CLYBL: variants seen among roughly 807,000 people sequenced by gnomAD.
The protein encoded by CLYBL is citramalyl-CoA lyase.
A neutral mutation model predicts 38.9 loss-of-function variants in CLYBL; 31 were observed. The observed-to-expected ratio is 0.80, with a 90% CI of 0.60 to 1.08. CLYBL has a LOEUF of 1.08. Among genes scored for constraint, CLYBL ranks in the 50% least tolerant of loss-of-function variants. The pLI, the probability that CLYBL is intolerant of heterozygous loss-of-function variation, is 0.00. For missense variants in CLYBL, 434 were observed against 411.6 expected, an observed-to-expected ratio of 1.05 and a Z score of -0.47; for synonymous variants, 171 against 158.6, an observed-to-expected ratio of 1.08 and a Z score of -0.59.
At chr13:99,855,341 T>G (rs767111413) in intron 2 of CLYBL, among the ~76,000 whole-genome samples, 1 of 152,212 alleles carries the variant, frequency 6.6e-6, no homozygotes, top group Non-Finnish European at 1.5e-5. Context: ...AATTTCCTTT[T>G]TCTCCTTCCT....
intron 4 of CLYBL, among the ~76,000 whole-genome samples, chr13:99,864,401 C>A (rs1175577186): frequency 6.6e-6 from 1 of 152,162 alleles, no homozygotes; most frequent in South Asian, 2.1e-4. Flanking sequence ...ATCCTGAGAC[C>A]ATGTGCTTGA....
intron 7 of CLYBL, among the ~76,000 whole-genome samples, chr13:99,880,898 C>T (rs1009324432): frequency 3.3e-5 from 5 of 152,192 alleles, no homozygotes; most frequent in African/African-American, 1.2e-4. Flanking sequence ...AAAATGAATC[C>T]ACTAACTGCC....
At chr13:99,707,228 T>A (rs2048160113) in intron 1 of CLYBL, among the ~76,000 whole-genome samples, 1 of 152,172 alleles carries the variant, frequency 6.6e-6, no homozygotes, top group African/African-American at 2.4e-5. Context: ...GTAGTTGAAT[T>A]TGAGTACTTT....
At chr13:99,870,611 A>G (rs904845338) in intron 6 of CLYBL, among the ~76,000 whole-genome samples, 5 of 152,190 alleles carry the variant, frequency 3.3e-5, no homozygotes. Context: ...TTATCCTTTA[A>G]AGTCCCAGCC....
At chr13:99,792,137 A>C (rs2049930546) in intron 2 of CLYBL, among the ~76,000 whole-genome samples, 1 of 152,168 alleles carries the variant, frequency 6.6e-6, no homozygotes, top group African/African-American at 2.4e-5. Context: ...TAAACAATAG[A>C]TTTTTACTTT....
intron 1 of CLYBL, among the ~76,000 whole-genome samples, chr13:99,753,905 A>G (rs2049003114): frequency 1.3e-5 from 2 of 151,600 alleles, no homozygotes; most frequent in South Asian, 4.2e-4. Context: ...CCTGGCCAAC[A>G]TGGTGAAACC....
At chr13:99,891,557 G>A in intron 8 of CLYBL, 120 bp downstream of exon 8, 1 of 574,300 alleles carries the variant, frequency 1.7e-6, no homozygotes, top group Non-Finnish European at 3.1e-6. Flanking sequence ...CAATTTTGTT[G>A]TTGTTGTCTC....
At chr13:99,613,547 C>A (rs375604751) in intron 1 of CLYBL, among the ~76,000 whole-genome samples, 2 of 151,684 alleles carry the variant, frequency 1.3e-5, no homozygotes, top group East Asian at 3.9e-4. Flanking sequence ...GCTGTGAGGC[C>A]ACTAAGGGAA....
chr13:99,719,430 G>A (rs1385882454), intron 1 of CLYBL, among the ~76,000 whole-genome samples: 3 of 151,998 alleles, frequency 2.0e-5, no homozygotes, highest in Admixed American at 1.3e-4. Context: ...GGGATTAGGC[G>A]TGAGCCACCA....
chr13:99,791,386 G>A (rs1356425950), intron 2 of CLYBL, among the ~76,000 whole-genome samples: 4 of 151,966 alleles, frequency 2.6e-5, no homozygotes, highest in African/African-American at 7.3e-5. Flanking sequence ...AAAAAACAGC[G>A]GTGTCATTTT....
intron 7 of CLYBL, among the ~76,000 whole-genome samples, chr13:99,889,252 G>A (rs776212884): frequency 6.6e-6 from 1 of 152,164 alleles, no homozygotes; most frequent in Non-Finnish European, 1.5e-5. Context: ...CCAGCCTATT[G>A]TTTAAACCCT....
intron 1 of CLYBL, among the ~76,000 whole-genome samples, chr13:99,626,581 G>A (rs868102241): frequency 1.3e-5 from 2 of 152,152 alleles, no homozygotes; most frequent in Non-Finnish European, 2.9e-5. Flanking sequence ...TAGACAAAAC[G>A]TGGTGGAACT....
chr13:99,871,364 A>G (rs1389674557), intron 7 of CLYBL, among the ~76,000 whole-genome samples: 1 of 152,234 alleles, frequency 6.6e-6, no homozygotes, highest in Non-Finnish European at 1.5e-5. Flanking sequence ...TCTATGCAGC[A>G]TTCATATGAA....
chr13:99,847,434 G>C (rs1886034), intron 2 of CLYBL, among the ~76,000 whole-genome samples: 92,612 of 152,068 alleles, frequency 0.61, 28,440 homozygotes, highest in East Asian at 0.7. Flanking sequence ...CTCTAACCCG[G>C]AGAAGTGGGG....
chr13:99,839,072 C>T (rs979145901), intron 2 of CLYBL, among the ~76,000 whole-genome samples: 9 of 152,228 alleles, frequency 5.9e-5, no homozygotes, highest in African/African-American at 2.2e-4. Context: ...TTGTAATCAA[C>T]TAAACCTTTT....
chr13:99,729,806 G>A (rs952691629), intron 1 of CLYBL, among the ~76,000 whole-genome samples: 2 of 152,226 alleles, frequency 1.3e-5, no homozygotes, highest in African/African-American at 4.8e-5. Context: ...CTGACTCCCT[G>A]GTGCCACTAC....
At chr13:99,632,183 A>G (rs368925177) in intron 1 of CLYBL, among the ~76,000 whole-genome samples, 5 of 152,222 alleles carry the variant, frequency 3.3e-5, no homozygotes, top group Non-Finnish European at 5.9e-5. Context: ...AGAGGGCACA[A>G]ACACCCAAAT....
In CLYBL at chr13:99,764,052, T is replaced by A. The variant is rs932017607; in HGVS notation, c.63-8772T>A. 1.4e-4 allele frequency among the ~76,000 whole-genome samples: 21 copies of A among 150,902 alleles called. No homozygotes were observed. In the East Asian group the frequency reaches 1.9e-3, roughly 14 times the overall value. ...ATTCATTCCTCTTCAAAAAAAAAAA[T>A]TTTTTTTTGAGACAGGGTCTTGCCC... On this transcript the variant is annotated intron_variant, in intron 1 of 8. Transcript: ENST00000339105.
Position 99,716,169 on chromosome 13 carries a change from A to ATTTTTTTTTTTTT in CLYBL, c.63-56629_63-56617dup. 4.5e-3 allele frequency among the ~76,000 whole-genome samples: 150 copies of ATTTTTTTTTTTTT among 33,460 alleles called. 54 individuals are homozygous for ATTTTTTTTTTTTT. The highest frequency in any genetic ancestry group is 7.3e-3 in the Non-Finnish European group (119 of 16,378). 22.0% of individuals were successfully genotyped at this position (33,460 alleles called of 152,430 possible). The stretch of plus-strand genomic sequence containing the variant: ...AAATTGTCCTTGCTTTATTGGTGTA[A>ATTTTTTTTTTTTT]TTTTTTTTTTTTTTTTTTTTTTTTT... On this transcript the variant is annotated intron_variant, in intron 1 of 8. Transcript: ENST00000339105.
Sources: allele counts gnomAD v4.1 joint callset (sites outside exome capture counted in the v4.1 genomes callset), GRCh38; gene constraint gnomAD v4.1.1; transcripts MANE v1.5; gene names NCBI Gene and HGNC (gene_info 2026-07-23, HGNC 2026-07-21).